FAM187A: variants seen among roughly 807,000 people sequenced by gnomAD.
The protein encoded by FAM187A is Ig-like V-type domain-containing protein FAM187A.
A neutral mutation model predicts 6.4 loss-of-function variants in FAM187A; 4 were observed. The observed-to-expected ratio is 0.63, with a 90% CI of 0.31 to 1.44. The LOEUF (loss-of-function observed/expected upper bound fraction) is 1.44. FAM187A is among the 40% of genes most tolerant of loss of function. The probability of loss-of-function intolerance (pLI) is 0.07; values close to 1 mark genes in which losing one functional copy is unlikely to be tolerated. For missense variants in FAM187A, 463 were observed against 542.2 expected (o/e 0.85, Z 1.45); for synonymous variants, 221 against 213.4 (o/e 1.04, Z -0.31).
At chr17:44,904,085 G>A in exon 4 of FAM187A, 2 of 1,550,662 alleles carry the variant, frequency 1.3e-6, no homozygotes, top group Non-Finnish European at 1.7e-6. Context: ...TGATGGGCGG[G>A]TGCTGACGGA....
exon 4 of FAM187A, chr17:44,905,074 G>A (rs1178159362): frequency 1.3e-6 from 2 of 1,521,924 alleles, no homozygotes; most frequent in Admixed American, 4.1e-5. Flanking sequence ...CCCCCTAGGA[G>A]CTCTCTTCAG....
exon 4 of FAM187A, chr17:44,904,218 G>A (rs1360047404): frequency 1.9e-6 from 3 of 1,550,450 alleles, no homozygotes; most frequent in Non-Finnish European, 2.6e-6. Flanking sequence ...ACCCGCAAGG[G>A]GGACTACTTT....
chr17:44,903,602 C>T, exon 4 of FAM187A: 1 of 1,405,540 alleles, frequency 7.1e-7, no homozygotes, highest in Non-Finnish European at 9.2e-7. Context: ...TGGCTTTCCC[C>T]CCCCACCCTG....
chr17:44,904,632 G>A lies in FAM187A; in HGVS notation c.803G>A (p.Trp268Ter). 2 of 1,550,574 alleles carry A rather than the reference G, an allele frequency of 1.3e-6. No homozygotes were observed. Among genetic ancestry groups the A allele is most frequent in the Non-Finnish European group, 1.7e-6 (2 of 1,147,000 alleles). ...GTGTCCAAAGTGGGCAGCCGGCCCT[G>A]GGTGCCCCAGGTGCCCATTCAGTTC... is the stretch of plus-strand genomic sequence containing the variant. Residue 268 changes from tryptophan (W) to a stop codon, truncating the protein, a stop_gained, in exon 4 of 4, where the codon TGG becomes TAG. Transcript: ENST00000331733. LOFTEE classifies it low-confidence loss of function (END_TRUNC).
exon 4 of FAM187A, chr17:44,905,383 G>GAA (rs1430045519): frequency 6.5e-6 from 2 of 306,776 alleles, no homozygotes; most frequent in Non-Finnish European, 1.3e-5. Flanking sequence ...GATCAGTGTT[G>GAA]AATCATGTTT....
chr17:44,905,058 G>T, exon 4 of FAM187A: 1 of 1,542,746 alleles, frequency 6.5e-7, no homozygotes, highest in Non-Finnish European at 8.8e-7. Context: ...TGTTGTCCCA[G>T]CTTCTCCCCC....
At chr17:44,904,687 C>T (rs1229823899) in exon 4 of FAM187A, 7 of 1,550,586 alleles carry the variant, frequency 4.5e-6, no homozygotes, top group Non-Finnish European at 6.1e-6. Context: ...ATGGACTCAT[C>T]ATCTCCTGTC....
chr17:44,903,710 C>G (rs2051601867), exon 4 of FAM187A: 1 of 1,440,068 alleles, frequency 6.9e-7, no homozygotes, highest in Admixed American at 2.9e-5. Context: ...TGCTGCTTTT[C>G]CTGGCTGCAT....
Position 44,904,220 on chromosome 17 carries a change from GA to G in FAM187A, c.392del (p.Asp131AlafsTer110). 1 of 1,550,586 alleles carries G rather than the reference GA, an allele frequency of 6.4e-7. No individual in the cohort carries two copies. Among genetic ancestry groups the G allele is most frequent in the East Asian group, 2.4e-5 (1 of 40,930 alleles). On this transcript the variant is annotated frameshift_variant, in exon 4 of 4. Transcript: ENST00000331733. LOFTEE classifies it low-confidence loss of function (END_TRUNC). ...GTACTTCTGCGGCACCCGCAAGGGGGACTACTTTTACGCCTACGATGTGGAC... is the reference window on the plus strand; with the variant it reads ...GTACTTCTGCGGCACCCGCAAGGGGGCTACTTTTACGCCTACGATGTGGAC...
At chr17:44,904,025 T>C (rs2051607755) in exon 4 of FAM187A, 1 of 1,550,650 alleles carries the variant, frequency 6.4e-7, no homozygotes, top group Middle Eastern at 1.7e-4. Flanking sequence ...TGTAGTCTGG[T>C]TCTACCAAAA....
chr17:44,904,238 G>A (rs2051613090), exon 4 of FAM187A: 1 of 1,550,440 alleles, frequency 6.4e-7, no homozygotes. Context: ...TTACGCCTAC[G>A]ATGTGGACAT....
exon 4 of FAM187A, chr17:44,904,597 C>T: frequency 1.9e-6 from 3 of 1,550,594 alleles, no homozygotes; most frequent in Non-Finnish European, 2.6e-6. Flanking sequence ...TGCTGGCCAT[C>T]ATTAACTATG....
At chr17:44,903,570 G>A in exon 4 of FAM187A, 2 of 1,386,188 alleles carry the variant, frequency 1.4e-6, no homozygotes, top group Non-Finnish European at 1.9e-6. Context: ...CTAGAAAGGG[G>A]AGTAAAGGCC....
exon 4 of FAM187A, chr17:44,904,469 T>C (rs768335753): frequency 1.3e-6 from 2 of 1,545,804 alleles, no homozygotes; most frequent in South Asian, 1.2e-5. Flanking sequence ...TGTGGTGTCT[T>C]GTGGCTCAAG....
chr17:44,904,711 A>G, exon 4 of FAM187A: 1 of 1,550,608 alleles, frequency 6.4e-7, no homozygotes, highest in Non-Finnish European at 8.7e-7. Context: ...GGGCCCGGCC[A>G]GAGCATGCAG....
chr17:44,905,012 A>G (rs1200989417), exon 4 of FAM187A: 1 of 1,550,700 alleles, frequency 6.4e-7, no homozygotes, highest in Non-Finnish European at 8.7e-7. Flanking sequence ...CTTTGTCACC[A>G]TTCACTTCTG....
exon 4 of FAM187A, chr17:44,905,115 T>C: frequency 1.4e-6 from 2 of 1,416,326 alleles, no homozygotes; most frequent in East Asian, 2.5e-5. Context: ...TCAATGTGTT[T>C]GTTAAATGAT....
In FAM187A at chr17:44,904,896, G is replaced by A. The variant is rs770650702; in HGVS notation, c.1067G>A (p.Arg356Gln). The change falls in exon 4 of 4, where the codon CGG becomes CAG. Residue 356 changes from arginine (R) to glutamine (Q), a missense_variant. By Grantham distance (43) the Arg-to-Gln change is conservative (BLOSUM62 1). Transcript: ENST00000331733. ...CAGGGTGTGCTAGTTGCTGGCTTCC[G>A]GCTGGGTGTGACATCTCATGGGCAC... 12 of 1,550,404 alleles carry A rather than the reference G, an allele frequency of 7.7e-6. No homozygotes were observed. The Admixed American group carries it at 1.4e-4, about 18-fold the overall frequency.
Position 44,904,802 on chromosome 17 carries a change from GAC to G in FAM187A, c.974_975del (p.Asp325AlafsTer14), listed in dbSNP as rs1162842269. 1.9e-6 allele frequency: 3 copies of G among 1,550,624 alleles called. No individual in the cohort carries two copies. Among genetic ancestry groups the G allele is most frequent in the Admixed American group, 2.0e-5 (1 of 51,002 alleles). ...CAACAGGTCCATGAGGGTGTTCATT[GAC>G]CACGGCAACCAGCTCCACATCCGCT... On this transcript the variant is annotated frameshift_variant, in exon 4 of 4. Coordinates refer to ENST00000331733, the Ensembl canonical transcript of FAM187A. LOFTEE classifies it low-confidence loss of function (END_TRUNC).
Sources: gnomAD v4.1 joint callset for allele counts on GRCh38, gnomAD v4.1.1 for gene constraint, MANE v1.5 for transcripts, NCBI Gene and HGNC (gene_info 2026-07-23, HGNC 2026-07-21) for gene names.